Variants in IL1RAPL2 observed in about 807,000 individuals in gnomAD.
The protein encoded by IL1RAPL2 is X-linked interleukin-1 receptor accessory protein-like 2.
In IL1RAPL2, 3 loss-of-function variants were observed where a neutral mutation model predicts 44.1. The ratio of observed to expected loss-of-function variants is 0.07; its 90% confidence interval spans 0.03 to 0.18. IL1RAPL2 has a LOEUF of 0.18. Among genes scored for constraint, IL1RAPL2 ranks in the 10% least tolerant of loss-of-function variants. The pLI, the probability that IL1RAPL2 is intolerant of heterozygous loss-of-function variation, is 1.00. For missense variants in IL1RAPL2, 391 were observed against 496.4 expected, an observed-to-expected ratio of 0.79 and a Z score of 2.02; for synonymous variants, 181 against 178.8, an observed-to-expected ratio of 1.01 and a Z score of -0.10.
intron 4 of IL1RAPL2, among the ~76,000 whole-genome samples, chrX:105,243,959 T>A (rs2034197843): frequency 8.9e-6 from 1 of 111,945 alleles, no homozygotes; most frequent in South Asian, 3.7e-4. Flanking sequence ...AGATTTGTAT[T>A]TGCCTTTTAT....
intron 2 of IL1RAPL2, among the ~76,000 whole-genome samples, chrX:104,756,552 A>T (rs750278345): frequency 8.1e-5 from 9 of 111,059 alleles, no homozygotes; most frequent in Non-Finnish European, 1.7e-4. Context: ...CTGAGCACTC[A>T]TATCAGACAC....
At chrX:104,830,157 C>A (rs1440139484) in intron 2 of IL1RAPL2, among the ~76,000 whole-genome samples, 1 of 111,356 alleles carries the variant, frequency 9.0e-6, no homozygotes, top group Non-Finnish European at 1.9e-5. Flanking sequence ...ACAGATGTAA[C>A]CAAGTGTGAA....
At chrX:104,984,272 T>C (rs939651362) in intron 2 of IL1RAPL2, among the ~76,000 whole-genome samples, 1 of 111,521 alleles carries the variant, frequency 9.0e-6, no homozygotes, top group Non-Finnish European at 1.9e-5. Context: ...TCAAAACATT[T>C]AATTGAGAAA....
At chrX:104,755,573 G>A (rs1430921315) in intron 2 of IL1RAPL2, among the ~76,000 whole-genome samples, 1 of 110,570 alleles carries the variant, frequency 9.0e-6, no homozygotes, top group Non-Finnish European at 1.9e-5. Flanking sequence ...CTGCCCCCAA[G>A]TTCAGTGTCC....
chrX:105,534,363 A>G (rs1276127332), intron 6 of IL1RAPL2, among the ~76,000 whole-genome samples: 2 of 112,022 alleles, frequency 1.8e-5, no homozygotes, highest in Admixed American at 1.9e-4. Context: ...AAATAATTTA[A>G]CTGTATATTT....
At chrX:105,381,950 C>A (rs1354896945) in intron 5 of IL1RAPL2, among the ~76,000 whole-genome samples, 2 of 111,713 alleles carry the variant, frequency 1.8e-5, no homozygotes, top group Admixed American at 1.9e-4. Context: ...CTTCCTTACA[C>A]CTTATACAAA....
intron 2 of IL1RAPL2, among the ~76,000 whole-genome samples, chrX:104,817,035 T>G (rs888725580): frequency 7.1e-5 from 8 of 112,949 alleles, no homozygotes; most frequent in Non-Finnish European, 1.5e-4. Flanking sequence ...GAACTCTTAA[T>G]TTTTATGCTT....
chrX:104,637,496 C>T (rs1929839539), intron 1 of IL1RAPL2, among the ~76,000 whole-genome samples: 1 of 109,635 alleles, frequency 9.1e-6, no homozygotes, highest in Non-Finnish European at 1.9e-5. Context: ...TTCTTCTGTA[C>T]CTGGTTTGTT....
At chrX:105,510,277 T>C (rs1200500214) in intron 6 of IL1RAPL2, among the ~76,000 whole-genome samples, 1 of 112,010 alleles carries the variant, frequency 8.9e-6, no homozygotes, top group East Asian at 2.8e-4. Context: ...CAACATGGAA[T>C]ACTTTACATG....
rs2037558398 is a variant in IL1RAPL2 at position 105,640,665 on chromosome X, TATATATATATATATATATATATATATAC to T, written c.773-76700_773-76673del. ...TTATGTATGTGTGTGTATATATATA[TATATATATATATATATATATATATATAC>T]ACACACATATACATATATATACACA... On this transcript the variant is annotated intron_variant, in intron 6 of 10. Coordinates refer to ENST00000372582, the MANE Select transcript of IL1RAPL2 (RefSeq NM_017416.2). 2.6e-5 allele frequency among the ~76,000 whole-genome samples: 2 copies of T among 77,958 alleles called. 1 individual carries two copies. The highest frequency in any genetic ancestry group is 1.2e-3 in the South Asian group (2 of 1,626). 67.7% of individuals were successfully genotyped at this position (77,958 alleles called of 115,157 possible). A position where few individuals can be genotyped will look rare whatever the true frequency, so the allele number is the denominator to read the frequency against.
intron 2 of IL1RAPL2, among the ~76,000 whole-genome samples, chrX:104,740,030 T>C (rs770716595): frequency 5.4e-5 from 6 of 111,364 alleles, no homozygotes; most frequent in Non-Finnish European, 9.4e-5. Flanking sequence ...TCTTAGGAAG[T>C]GGGTAAAAGT....
chrX:105,323,921 T>C (rs1709035202), intron 5 of IL1RAPL2, among the ~76,000 whole-genome samples: 2 of 109,984 alleles, frequency 1.8e-5, no homozygotes, highest in African/African-American at 3.3e-5. Context: ...CACACAGCCC[T>C]CAATAAATAT....
At chrX:105,213,292 T>C (rs1000291426) in intron 3 of IL1RAPL2, among the ~76,000 whole-genome samples, 8 of 109,039 alleles carry the variant, frequency 7.3e-5, no homozygotes, top group African/African-American at 2.7e-4. Context: ...AATGACCTGA[T>C]GGAGCTGAAA....
At chrX:104,750,324 A>G (rs1246354959) in intron 2 of IL1RAPL2, among the ~76,000 whole-genome samples, 1 of 111,413 alleles carries the variant, frequency 9.0e-6, no homozygotes, top group Non-Finnish European at 1.9e-5. Context: ...GGATGAGGTC[A>G]GCCTGAATCA....
At chrX:105,634,062 G>C (rs1279959482) in intron 6 of IL1RAPL2, among the ~76,000 whole-genome samples, 1 of 111,022 alleles carries the variant, frequency 9.0e-6, no homozygotes, top group Non-Finnish European at 1.9e-5. Flanking sequence ...AAAAGACTAT[G>C]GGCCTCAACT....
chrX:105,381,019 G>A (rs112697791), intron 5 of IL1RAPL2, among the ~76,000 whole-genome samples: 6,869 of 111,052 alleles, frequency 0.062, 508 homozygotes, highest in African/African-American at 0.21. Context: ...TGCTGTGGGC[G>A]AAATGCTAGT....
At chrX:105,759,310 C>T (rs1437875997) in intron 10 of IL1RAPL2, among the ~76,000 whole-genome samples, 1 of 111,489 alleles carries the variant, frequency 9.0e-6, no homozygotes, top group Admixed American at 9.5e-5. Context: ...TATTTATTAA[C>T]AATTATAAAT....
intron 6 of IL1RAPL2, among the ~76,000 whole-genome samples, chrX:105,710,804 A>G (rs778996399): frequency 9.1e-6 from 1 of 109,459 alleles, no homozygotes; most frequent in South Asian, 3.9e-4. Context: ...TCTCAGAGAA[A>G]GAAAGGACCT....
chrX:105,434,998 G>A (rs1453207004), intron 5 of IL1RAPL2, among the ~76,000 whole-genome samples: 1 of 111,448 alleles, frequency 9.0e-6, no homozygotes, highest in Non-Finnish European at 1.9e-5. Flanking sequence ...TTTTTGTCAG[G>A]TTTGTTGAAG....
Sources: allele counts gnomAD v4.1 joint callset (sites outside exome capture counted in the v4.1 genomes callset), GRCh38; gene constraint gnomAD v4.1.1; transcripts MANE v1.5; gene names NCBI Gene and HGNC (gene_info 2026-07-23, HGNC 2026-07-21).